CTNNA2: variants seen among roughly 807,000 people sequenced by gnomAD.
CTNNA2 encodes the protein catenin alpha-2.
In CTNNA2, 42 loss-of-function variants were observed where a neutral mutation model predicts 101.0. The observed-to-expected ratio is 0.42, with a 90% confidence interval of 0.32 to 0.54. The LOEUF is 0.54. Ranked by LOEUF, CTNNA2 falls within the 20% of genes least tolerant of loss-of-function variation. CTNNA2 has a pLI of 0.14. For synonymous variants in CTNNA2, 450 were observed against 456.4 expected, an observed-to-expected ratio of 0.99 and a Z score of 0.18; for missense variants, 871 against 1,223.1, an observed-to-expected ratio of 0.71 and a Z score of 4.29.
chr2:79,898,086 T>C (rs1214434466), intron 6 of CTNNA2, among the ~76,000 whole-genome samples: 1 of 152,192 alleles, frequency 6.6e-6, no homozygotes, highest in Non-Finnish European at 1.5e-5. Flanking sequence ...TCTTAACCCC[T>C]GTAACATTTT....
At chr2:79,701,954 A>G (rs13411966) in intron 2 of CTNNA2, among the ~76,000 whole-genome samples, 35,007 of 145,928 alleles carry the variant, frequency 0.24, 4,435 homozygotes, top group East Asian at 0.48. Flanking sequence ...GTGAGCCAAG[A>G]TTATACCATT....
chr2:79,684,870 C>G (rs1219746561), intron 2 of CTNNA2, among the ~76,000 whole-genome samples: 1 of 152,184 alleles, frequency 6.6e-6, no homozygotes, highest in East Asian at 1.9e-4. Flanking sequence ...CACTACCGAG[C>G]TGACCTCTTT....
intron 7 of CTNNA2, among the ~76,000 whole-genome samples, chr2:79,975,309 G>T (rs573813473): frequency 3.3e-5 from 5 of 152,236 alleles, no homozygotes; most frequent in African/African-American, 1.2e-4. Flanking sequence ...AGAGATGTAA[G>T]GATTTGGAAA....
At chr2:80,566,799 A>C (rs1297698321) in intron 12 of CTNNA2, among the ~76,000 whole-genome samples, 2 of 152,206 alleles carry the variant, frequency 1.3e-5, no homozygotes, top group Non-Finnish European at 2.9e-5. Flanking sequence ...TTCAAAGATC[A>C]GTGTGCATGC....
chr2:79,795,827 C>G (rs1479527400), intron 3 of CTNNA2, among the ~76,000 whole-genome samples: 2 of 152,204 alleles, frequency 1.3e-5, no homozygotes, highest in African/African-American at 4.8e-5. Flanking sequence ...GAATCTACTG[C>G]ATTCATTAGT....
At chr2:80,082,477 T>G (rs1699210382) in intron 7 of CTNNA2, among the ~76,000 whole-genome samples, 1 of 152,102 alleles carries the variant, frequency 6.6e-6, no homozygotes, top group African/African-American at 2.4e-5. Flanking sequence ...GCCAAAAAGA[T>G]TTTTTGGCAT....
At chr2:80,164,127 C>T (rs1364083468) in intron 7 of CTNNA2, among the ~76,000 whole-genome samples, 2 of 151,620 alleles carry the variant, frequency 1.3e-5, no homozygotes, top group Non-Finnish European at 2.9e-5. Context: ...TTTTAATTGG[C>T]ATATTTAGGT....
At chr2:79,380,500 C>T (rs1369485410) in intron 4 of CTNNA2, among the ~76,000 whole-genome samples, 2 of 152,280 alleles carry the variant, frequency 1.3e-5, no homozygotes, top group Admixed American at 6.5e-5. Flanking sequence ...CAGCACAGAA[C>T]ATATGATAAG....
chr2:79,818,336 G>A (rs974986970), intron 3 of CTNNA2, among the ~76,000 whole-genome samples: 10 of 151,698 alleles, frequency 6.6e-5, no homozygotes, highest in African/African-American at 2.4e-4. Flanking sequence ...TTTTTGAGAC[G>A]GAGTTTCGCT....
chr2:79,424,447 A>T (rs1420169100), intron 4 of CTNNA2, among the ~76,000 whole-genome samples: 1 of 152,180 alleles, frequency 6.6e-6, no homozygotes, highest in East Asian at 1.9e-4. Context: ...CTTGATCATG[A>T]TGCATCTTTC....
At position 80,638,826 on chromosome 2, in the gene CTNNA2, A is replaced by G. The variant is rs146583216; in HGVS notation, c.2575-8759A>G. 1.7e-3 allele frequency among the ~76,000 whole-genome samples: 264 copies of G among 152,348 alleles called. 1 individual carries two copies. Among genetic ancestry groups the G allele is most frequent in the Non-Finnish European group, 3.4e-3 (230 of 68,040 alleles). On this transcript the variant is annotated intron_variant, in intron 18 of 18. Coordinates refer to ENST00000402739, the MANE Select transcript of CTNNA2 (RefSeq NM_001282597.3). The stretch of plus-strand genomic sequence containing the variant: ...GTAAATGAATTAAAAATGAAGACAC[A>G]AAATATGTCCAGTTGAGAAAGTTAC...
intron 9 of CTNNA2, among the ~76,000 whole-genome samples, chr2:80,462,475 G>A (rs939650387): frequency 6.6e-6 from 1 of 151,948 alleles, no homozygotes; most frequent in Admixed American, 6.6e-5. Context: ...TATATCTGTT[G>A]TAGGCAGCAT....
chr2:79,319,517 T>A (rs971408569), intron 3 of CTNNA2, among the ~76,000 whole-genome samples: 16 of 151,698 alleles, frequency 1.1e-4, no homozygotes, highest in Non-Finnish European at 1.0e-4. Flanking sequence ...CACAGCAACC[T>A]CCTCTCCCCT....
intron 4 of CTNNA2, among the ~76,000 whole-genome samples, chr2:79,430,585 T>C (rs1573162413): frequency 1.3e-5 from 2 of 152,304 alleles, no homozygotes; most frequent in Admixed American, 1.3e-4. Flanking sequence ...GTGCCAACCA[T>C]AAGCCAAATA....
chr2:79,362,597 A>T (rs1677656416), intron 3 of CTNNA2, among the ~76,000 whole-genome samples: 1 of 152,172 alleles, frequency 6.6e-6, no homozygotes, highest in Non-Finnish European at 1.5e-5. Context: ...AAATGTTCCC[A>T]TTCTCTTTAC....
chr2:80,171,793 C>G lies in CTNNA2; in HGVS notation c.1057-221418C>G, dbSNP rs1451554722. ...ATGGCCACACCTAGTGGCAGGGGAGCTGGGAAACAAAATCATCAGCTAGGA... is the reference window on the plus strand; with the variant it reads ...ATGGCCACACCTAGTGGCAGGGGAGGTGGGAAACAAAATCATCAGCTAGGA... On this transcript the variant is annotated intron_variant, in intron 7 of 18. Coordinates refer to ENST00000402739, the MANE Select transcript of CTNNA2 (RefSeq NM_001282597.3). 2.6e-5 allele frequency among the ~76,000 whole-genome samples: 4 copies of G among 152,188 alleles called. No homozygotes were observed. In the South Asian group the frequency reaches 6.2e-4, roughly 24 times the overall value.
intron 1 of CTNNA2, among the ~76,000 whole-genome samples, chr2:79,560,114 G>C (rs943666491): frequency 6.7e-6 from 1 of 150,124 alleles, no homozygotes; most frequent in African/African-American, 2.4e-5. Flanking sequence ...GACAATCTTA[G>C]TTAAAAGAGA....
At chr2:80,552,570 C>T (rs558988947) in intron 11 of CTNNA2, among the ~76,000 whole-genome samples, 30 of 152,254 alleles carry the variant, frequency 2.0e-4, no homozygotes, top group African/African-American at 5.8e-4. Flanking sequence ...TGTTGCTTGA[C>T]GACAGGCATA....
chr2:80,218,601 C>G (rs942267502), intron 7 of CTNNA2, among the ~76,000 whole-genome samples: 1 of 152,208 alleles, frequency 6.6e-6, no homozygotes, highest in Non-Finnish European at 1.5e-5. Context: ...TCCTTACCCT[C>G]TATTAGGCTC....
Sources: allele counts gnomAD v4.1 joint callset (sites outside exome capture counted in the v4.1 genomes callset), GRCh38; gene constraint gnomAD v4.1.1; transcripts MANE v1.5; gene names NCBI Gene and HGNC (gene_info 2026-07-23, HGNC 2026-07-21).